The following SIM2 variants were observed in gnomAD, a reference collection of about 807,000 sequenced individuals.
SIM2 encodes the protein single-minded homolog 2.
In SIM2, 28 loss-of-function variants were observed where a neutral mutation model predicts 64.8. That is an observed-to-expected ratio of 0.43 (90% CI 0.32 to 0.59). The LOEUF (loss-of-function observed/expected upper bound fraction) is 0.59, where lower values mean the gene tolerates loss of function less well. Ranked by LOEUF, SIM2 falls within the 20% of genes least tolerant of loss-of-function variation. SIM2 has a pLI of 0.07. For missense variants in SIM2, 847 were observed against 871.4 expected (o/e 0.97, Z 0.35); for synonymous variants, 408 against 391.1 (o/e 1.04, Z -0.51).
chr21:36,734,517 C>T (rs1449055686), intron 7 of SIM2, among the ~76,000 whole-genome samples: 2 of 152,082 alleles, frequency 1.3e-5, no homozygotes, highest in Non-Finnish European at 2.9e-5. Flanking sequence ...GAAAAGACTG[C>T]ACCCCAGCCA....
intron 3 of SIM2, among the ~76,000 whole-genome samples, chr21:36,718,683 G>A (rs1215122041): frequency 1.3e-5 from 2 of 152,108 alleles, no homozygotes; most frequent in African/African-American, 4.8e-5. Context: ...CTGCCCCTGG[G>A]CCTCCCCTGA....
At position 36,747,645 on chromosome 21, in the gene SIM2, C is replaced by T. The variant is rs2089247164; in HGVS notation, c.1577-20C>T. The T allele has an allele frequency of 1.6e-6, 2 of 1,235,260 alleles. No individual in the cohort carries two copies. Among genetic ancestry groups the T allele is most frequent in the Non-Finnish European group, 2.0e-6 (2 of 990,132 alleles). 76.5% of individuals were successfully genotyped at this position (1,235,260 alleles called of 1,614,324 possible). Reference sequence around the variant, plus strand: ...GGCCGCGCCCCTTGCTGCCCTCTAACGTGTCGCCTGTCCCCGCAGCGCCCG... The same window carrying T: ...GGCCGCGCCCCTTGCTGCCCTCTAATGTGTCGCCTGTCCCCGCAGCGCCCG... On this transcript the variant is annotated intron_variant, in intron 10 of 10. Coordinates refer to ENST00000290399, the MANE Select transcript of SIM2 (RefSeq NM_005069.6). The surrounding 1 kb of genome is among the most constrained non-coding windows in gnomAD (Gnocchi z 4.5).
Position 36,702,095 on chromosome 21 carries a change from C to T in SIM2, c.175+2174C>T, listed in dbSNP as rs2088508173. ...AAGATGCGAAGTGGTGGGTGTACCGCTCAGCCACCTTTAAACCGGCTCTGT... is the reference window on the plus strand; with the variant it reads ...AAGATGCGAAGTGGTGGGTGTACCGTTCAGCCACCTTTAAACCGGCTCTGT... On this transcript the variant is annotated intron_variant, in intron 1 of 10. Coordinates refer to ENST00000290399, the MANE Select transcript of SIM2 (RefSeq NM_005069.6). 3.3e-5 allele frequency among the ~76,000 whole-genome samples: 5 copies of T among 152,306 alleles called. 1 individual carries two copies. The highest frequency in any genetic ancestry group is 4.1e-4 in the South Asian group (2 of 4,826).
chr21:36,748,011 G>C lies in SIM2; in HGVS notation c.1923G>C (p.Pro641=). 1 of 1,144,184 alleles carries C rather than the reference G, an allele frequency of 8.7e-7. No individual in the cohort carries two copies. Among genetic ancestry groups the C allele is most frequent in the Admixed American group, 4.9e-5 (1 of 20,492 alleles). The allele number at this position is 1,144,184 out of a possible 1,614,324, so 70.9% of individuals were successfully genotyped here. The change falls in exon 11 of 11, where the codon CCG becomes CCC. Residue 641 remains proline (P), a synonymous_variant. Transcript: ENST00000290399. The part of the protein sequence containing the change: ...AATGALRLRH[P]SPAATSPPGA... ...CCGGCGCGCTGCGGCTCCGGCACCC[G>C]AGCCCCGCCGCCACCTCCCCGCCCG...
chr21:36,700,375 GC>G (rs200895651), intron 1 of SIM2, among the ~76,000 whole-genome samples: 1,575 of 125,546 alleles, frequency 0.013, 33 homozygotes, highest in African/African-American at 0.046. Flanking sequence ...TCCTTCCTTG[GC>G]CCCCTCTCTC....
rs765448691 is a variant in SIM2, at chr21:36,731,060, G to C, written c.759G>C (p.Thr253=). The change falls in exon 7 of 11, where the codon ACG becomes ACC. Residue 253 remains threonine, a synonymous_variant. Transcript: ENST00000290399. ...IFLDSRVTEV[T]GYEPQDLIEK... is the part of the protein sequence containing the mutation. The stretch of plus-strand genomic sequence containing the variant: ...GCCCCCACAGGGTGACCGAGGTGAC[G>C]GGGTACGAGCCGCAGGACCTGATCG... The C allele has an allele frequency of 1.2e-6, 2 of 1,613,950 alleles. No individual in the cohort carries two copies. Among genetic ancestry groups the C allele is most frequent in the South Asian group, 2.2e-5 (2 of 91,054 alleles).
At chr21:36,701,134 T>C (rs1346976572) in intron 1 of SIM2, among the ~76,000 whole-genome samples, 1 of 152,088 alleles carries the variant, frequency 6.6e-6, no homozygotes, top group Admixed American at 6.5e-5. Flanking sequence ...TTCTGGTGGG[T>C]CCTCTGGGCC....
chr21:36,712,687 C>T, intron 3 of SIM2, 65 bp downstream of exon 3: 1 of 1,066,874 alleles, frequency 9.4e-7, no homozygotes, highest in Non-Finnish European at 1.4e-6. Context: ...ATTTTGACAG[C>T]CTCACCCAAC....
intron 6 of SIM2, among the ~76,000 whole-genome samples, chr21:36,728,006 C>A (rs2845787): frequency 6.6e-6 from 1 of 152,046 alleles, no homozygotes; most frequent in East Asian, 1.9e-4. Flanking sequence ...AGACAGGAAA[C>A]AGCGCTCTTT....
At chr21:36,704,687 C>T (rs1257753363) in intron 1 of SIM2, among the ~76,000 whole-genome samples, 2 of 152,204 alleles carry the variant, frequency 1.3e-5, no homozygotes, top group South Asian at 2.1e-4. Flanking sequence ...GTCCGAACTC[C>T]CCAGGTCTGC....
At chr21:36,734,242 A>T (rs2269193) in intron 7 of SIM2, among the ~76,000 whole-genome samples, 1 of 151,918 alleles carries the variant, frequency 6.6e-6, no homozygotes, top group African/African-American at 2.4e-5. Context: ...AGGTGATTTT[A>T]TTTGAGGGGT....
In SIM2 at chr21:36,726,635, T is replaced by C. The variant is rs1223320588; in HGVS notation, c.743+317T>C. Among the ~76,000 whole-genome samples the C allele has an allele frequency of 6.6e-6, 1 of 152,260 alleles. No individual in the cohort carries two copies. Among genetic ancestry groups the C allele is most frequent in the Non-Finnish European group, 1.5e-5 (1 of 68,048 alleles). ...TAGAGTTTGAAATGAAAACATGGGC[T>C]GTGAGCACAGGTTGGGCTTTTTTGA... is the stretch of plus-strand genomic sequence containing the variant. On this transcript the variant is annotated intron_variant, in intron 6 of 10. Transcript: ENST00000290399. This position sits in a 1 kb window ranked among gnomAD's most constrained non-coding sequence, Gnocchi z 4.5.
chr21:36,746,295 A>G (rs2089226481), intron 10 of SIM2: 1 of 151,626 alleles, frequency 6.6e-6, no homozygotes, highest in Admixed American at 6.6e-5. Context: ...AGCCTGGGTA[A>G]CAGAGTGAGA....
At chr21:36,708,719 A>G (rs900024024) in intron 1 of SIM2, among the ~76,000 whole-genome samples, 3 of 151,684 alleles carry the variant, frequency 2.0e-5, no homozygotes, top group Admixed American at 2.0e-4. Flanking sequence ...GAAAACAAGG[A>G]GTTGCCGGAG....
chr21:36,738,847 CT>C (rs2123492786), intron 7 of SIM2, among the ~76,000 whole-genome samples: 1 of 152,378 alleles, frequency 6.6e-6, no homozygotes, highest in South Asian at 2.1e-4. Flanking sequence ...GAGCAGTGAT[CT>C]GAGTCGGCTG....
chr21:36,730,211 C>A (rs2088947468), intron 6 of SIM2, among the ~76,000 whole-genome samples: 1 of 152,142 alleles, frequency 6.6e-6, no homozygotes, highest in Non-Finnish European at 1.5e-5. Context: ...CCCGCAGTAG[C>A]CAAGATGTGC....
chr21:36,704,178 C>G (rs1004355575), intron 1 of SIM2, among the ~76,000 whole-genome samples: 2 of 152,184 alleles, frequency 1.3e-5, no homozygotes, highest in Non-Finnish European at 2.9e-5. Flanking sequence ...CTGCAGGTGC[C>G]CCCATCACCA....
At chr21:36,741,922 G>C in intron 8 of SIM2, 58 bp downstream of exon 8, 1 of 1,455,606 alleles carries the variant, frequency 6.9e-7, no homozygotes, top group Non-Finnish European at 9.2e-7. Flanking sequence ...TCCCACATCG[G>C]ATGGCTCCAA....
chr21:36,729,344 C>A (rs893808948), intron 6 of SIM2, among the ~76,000 whole-genome samples: 2 of 152,204 alleles, frequency 1.3e-5, no homozygotes, highest in South Asian at 4.2e-4. Flanking sequence ...CCCTGAGCCC[C>A]GAATGGCTCT....
Sources: gnomAD v4.1 joint callset for allele counts (sites outside exome capture counted in the v4.1 genomes callset) on GRCh38, gnomAD v4.1.1 for gene constraint, Gnocchi (gnomAD v3.1) non-coding constraint, MANE v1.5 for transcripts, NCBI Gene and HGNC (gene_info 2026-07-23, HGNC 2026-07-21) for gene names.